Variants in KIAA0232 observed in about 807,000 individuals in gnomAD.
KIAA0232 encodes uncharacterized protein KIAA0232.
In KIAA0232, 27 loss-of-function variants were observed where a neutral mutation model predicts 122.0. The ratio of observed to expected loss-of-function variants is 0.22; its 90% CI spans 0.16 to 0.31. The LOEUF is 0.31. Ranked by LOEUF, KIAA0232 falls within the 10% of genes least tolerant of loss-of-function variation. The pLI, the probability that KIAA0232 is intolerant of heterozygous loss-of-function variation, is 1.00. For missense variants in KIAA0232, 1,551 were observed against 1,634.2 expected (o/e 0.95, Z 0.88); for synonymous variants, 613 against 587.6 (o/e 1.04, Z -0.63).
chr4:6,818,933 G>A (rs1379828809), intron 2 of KIAA0232, among the ~76,000 whole-genome samples: 1 of 152,060 alleles, frequency 6.6e-6, no homozygotes, highest in Non-Finnish European at 1.5e-5. Flanking sequence ...TACACCTGTA[G>A]CCATCGAATC....
chr4:6,795,551 A>G (rs530496438), intron 1 of KIAA0232, among the ~76,000 whole-genome samples: 58 of 148,206 alleles, frequency 3.9e-4, no homozygotes, highest in African/African-American at 1.4e-3. Context: ...CAAACATATT[A>G]AAGTTAATTT....
At chr4:6,838,515 G>T (rs145234799) in intron 3 of KIAA0232, among the ~76,000 whole-genome samples, 245 of 152,182 alleles carry the variant, frequency 1.6e-3, no homozygotes, top group African/African-American at 5.6e-3. Flanking sequence ...GACAGATGAG[G>T]CTTCTGAGGT....
rs1013162825 is a variant in KIAA0232, at chr4:6,875,230, C to T, written c.3911-1430C>T. 7.9e-5 allele frequency among the ~76,000 whole-genome samples: 12 copies of T among 152,218 alleles called. 1 individual carries two copies. The highest frequency in any genetic ancestry group is 4.1e-4 in the South Asian group (2 of 4,830). ...CGGTCATGGGTGCAATGTGTGTGCC[C>T]GGCACTGTGCTTGAGGCTTCACCTC... is the stretch of plus-strand genomic sequence containing the variant. On this transcript the variant is annotated intron_variant, in intron 8 of 9. Transcript: ENST00000307659.
At chr4:6,786,075 A>G (rs1716607061) in intron 1 of KIAA0232, among the ~76,000 whole-genome samples, 1 of 151,918 alleles carries the variant, frequency 6.6e-6, no homozygotes. Context: ...TGTCTATATC[A>G]TGTTGTATTA....
intron 8 of KIAA0232, among the ~76,000 whole-genome samples, chr4:6,872,114 C>T (rs1313373832): frequency 1.3e-5 from 2 of 152,082 alleles, no homozygotes; most frequent in African/African-American, 4.8e-5. Context: ...GAGGGCTTGG[C>T]TAGGTTAGGT....
At position 6,858,422 on chromosome 4, in the gene KIAA0232, C is replaced by T. The variant is rs1720675042; in HGVS notation, c.437-3C>T. ...ATCTTTCTTAATTTTTGTTTCATAA[C>T]AGAAGAGAAGATTCACAAAAAGTTA... On this transcript the variant is annotated splice_polypyrimidine_tract_variant and splice_region_variant and intron_variant, in intron 5 of 9. Coordinates refer to ENST00000307659, the MANE Select transcript of KIAA0232 (RefSeq NM_014743.3). 1 of 1,575,338 alleles carries T rather than the reference C, an allele frequency of 6.3e-7. No individual in the cohort carries two copies. The highest frequency in any genetic ancestry group is 1.8e-5 in the Admixed American group (1 of 54,808).
intron 3 of KIAA0232, among the ~76,000 whole-genome samples, chr4:6,837,325 G>C (rs1434371386): frequency 2.0e-5 from 3 of 151,830 alleles, no homozygotes; most frequent in Admixed American, 1.3e-4. Context: ...GTCGCGGCTG[G>C]GCAGAGGTGC....
rs1232768758 is a variant in KIAA0232, at chr4:6,880,973, A to T, written c.*7A>T. 1 of 1,476,458 alleles carries T rather than the reference A, an allele frequency of 6.8e-7. No individual in the cohort carries two copies. Among genetic ancestry groups the T allele is most frequent in the East Asian group, 2.5e-5 (1 of 39,950 alleles). 91.5% of individuals were successfully genotyped at this position (1,476,458 alleles called of 1,614,324 possible). A position where few individuals can be genotyped will look rare whatever the true frequency, so the allele number is the denominator to read the frequency against. ...TTCTCGAACTCATCTCTAAACCTGCAAAATAGTACAAATTATTGTTTAAAA... is the reference window on the plus strand; with the variant it reads ...TTCTCGAACTCATCTCTAAACCTGCTAAATAGTACAAATTATTGTTTAAAA... On this transcript the variant is annotated 3_prime_UTR_variant, in exon 10 of 10. Coordinates refer to ENST00000307659, the MANE Select transcript of KIAA0232 (RefSeq NM_014743.3).
intron 1 of KIAA0232, among the ~76,000 whole-genome samples, chr4:6,798,463 A>T (rs1033513287): frequency 1.3e-5 from 2 of 152,196 alleles, no homozygotes; most frequent in East Asian, 3.9e-4. Flanking sequence ...ACTTTGAGAC[A>T]TATTTGAACA....
chr4:6,817,591 A>G (rs114729893), intron 2 of KIAA0232, among the ~76,000 whole-genome samples: 1,910 of 152,278 alleles, frequency 0.013, 37 homozygotes, highest in African/African-American at 0.043. Context: ...GTTACCAGTT[A>G]TAATTCCATG....
At chr4:6,877,719 C>A (rs889015896) in intron 9 of KIAA0232, among the ~76,000 whole-genome samples, 2 of 152,134 alleles carry the variant, frequency 1.3e-5, no homozygotes, top group Non-Finnish European at 2.9e-5. Context: ...ATTCTAGCCA[C>A]GCTGGCAGCT....
intron 2 of KIAA0232, among the ~76,000 whole-genome samples, chr4:6,819,970 A>T (rs1718344078): frequency 6.6e-6 from 1 of 152,186 alleles, no homozygotes; most frequent in African/African-American, 2.4e-5. Flanking sequence ...CAGCTGGAGG[A>T]TAATATCCTA....
intron 1 of KIAA0232, among the ~76,000 whole-genome samples, chr4:6,792,929 G>A (rs1186534591): frequency 6.6e-6 from 1 of 151,896 alleles, no homozygotes; most frequent in Non-Finnish European, 1.5e-5. Flanking sequence ...CTCGTGATCC[G>A]CCTGCCTCAG....
chr4:6,824,476 T>G lies in KIAA0232; in HGVS notation c.23T>G (p.Val8Gly). Reference sequence around the variant, plus strand: ...TTCATGTACCCTATCTGTACAGTTGTTGTGGATGGTTTGCCATCTGAAAGC... The same window carrying G: ...TTCATGTACCCTATCTGTACAGTTGGTGTGGATGGTTTGCCATCTGAAAGC... MYPICTV[V>G]VDGLPSESSS... Residue 8 changes from valine (V) to glycine (G), a missense_variant, in exon 3 of 10, where the codon GTT becomes GGT. This residue lies in a region of KIAA0232 where 37 missense variants were observed against 28.5 expected (regional missense o/e 1.30). Coordinates refer to ENST00000307659, the MANE Select transcript of KIAA0232 (RefSeq NM_014743.3). 6.2e-7 allele frequency: 1 copy of G among 1,614,158 alleles called. No individual in the cohort carries two copies. The highest frequency in any genetic ancestry group is 8.5e-7 in the Non-Finnish European group (1 of 1,179,992).
intron 8 of KIAA0232, among the ~76,000 whole-genome samples, chr4:6,871,918 T>C (rs1435462344): frequency 6.6e-6 from 1 of 152,054 alleles, no homozygotes; most frequent in African/African-American, 2.4e-5. Flanking sequence ...TTACTGACCA[T>C]GGATGAGGTG....
At chr4:6,826,528 A>G (rs1718695572) in intron 3 of KIAA0232, among the ~76,000 whole-genome samples, 1 of 143,506 alleles carries the variant, frequency 7.0e-6, no homozygotes, top group South Asian at 2.2e-4. Flanking sequence ...TTTTGGAGAC[A>G]GGGTCTTGCT....
At chr4:6,784,046 T>C (rs914612971) in intron 1 of KIAA0232, among the ~76,000 whole-genome samples, 1 of 152,082 alleles carries the variant, frequency 6.6e-6, no homozygotes, top group African/African-American at 2.4e-5. Context: ...CTTGATTTCT[T>C]TTTTGCCACC....
Position 6,862,178 on chromosome 4 carries a change from G to A in KIAA0232, c.1796G>A (p.Gly599Asp). 1 of 1,614,174 alleles carries A rather than the reference G, an allele frequency of 6.2e-7. No homozygotes were observed. Among genetic ancestry groups the A allele is most frequent in the East Asian group, 2.2e-5 (1 of 44,886 alleles). The part of the protein sequence containing the change: ...QFWECCSSSS[G>D]DADGESFGGD... ...TGGGAGTGCTGTTCATCCAGCTCCG[G>A]TGATGCTGATGGGGAGAGTTTTGGA... Residue 599 changes from glycine (G) to aspartate (D), a missense_variant, in exon 7 of 10, where the codon GGT (glycine) becomes GAT (aspartate). Gly to Asp is a moderately conservative substitution (Grantham distance 94). Transcript: ENST00000307659.
At chr4:6,807,032 G>GTCTGTCTGTCTATCTATCTA (rs750617409) in intron 2 of KIAA0232, among the ~76,000 whole-genome samples, 25 of 145,862 alleles carry the variant, frequency 1.7e-4, no homozygotes, top group African/African-American at 6.4e-4. Context: ...CTGTCTGTCT[G>GTCTGTCTGTCTATCTATCTA]TCTATCTATC....
Sources: allele counts gnomAD v4.1 joint callset (sites outside exome capture counted in the v4.1 genomes callset), GRCh38; gene constraint gnomAD v4.1.1; regional missense constraint gnomAD v4.1.1; transcripts MANE v1.5; gene names NCBI Gene and HGNC (gene_info 2026-07-23, HGNC 2026-07-21).